SPIN1: variants seen among roughly 807,000 people sequenced by gnomAD.
The protein encoded by SPIN1 is spindlin-1.
A neutral mutation model predicts 26.0 loss-of-function variants in SPIN1; 3 were observed. The ratio of observed to expected loss-of-function variants is 0.12; its 90% CI spans 0.05 to 0.30. The LOEUF (loss-of-function observed/expected upper bound fraction) is 0.30. Among genes scored for constraint, SPIN1 ranks in the 10% least tolerant of loss-of-function variants. The pLI, the probability that SPIN1 is intolerant of heterozygous loss-of-function variation, is 1.00. For missense variants in SPIN1, 126 were observed against 333.4 expected (o/e 0.38, Z 4.84); for synonymous variants, 101 against 116.5 (o/e 0.87, Z 0.86).
At chr9:88,470,589 T>C (rs1057371417) in intron 5 of SPIN1, among the ~76,000 whole-genome samples, 2 of 134,042 alleles carry the variant, frequency 1.5e-5, no homozygotes, top group Non-Finnish European at 3.0e-5. Context: ...CATATGCTTA[T>C]TGGCCCCCCC....
rs535202346 is a variant in SPIN1 at position 88,436,791 on chromosome 9, G to A, written c.52+10200G>A. ...TTTTTTTTTTTTTTTTTGAGACGGAGTCTCGCTCTGTCGCCCAGGCTGGAG... is the reference window on the plus strand; with the variant it reads ...TTTTTTTTTTTTTTTTTGAGACGGAATCTCGCTCTGTCGCCCAGGCTGGAG... On this transcript the variant is annotated intron_variant, in intron 2 of 5. Transcript: ENST00000375859. Among the ~76,000 whole-genome samples, 821 of 115,514 alleles carry A rather than the reference G, an allele frequency of 7.1e-3. 8 individuals are homozygous for A. Among genetic ancestry groups the A allele is most frequent in the Non-Finnish European group, 9.8e-3 (589 of 59,946 alleles). 75.8% of individuals were successfully genotyped at this position (115,514 alleles called of 152,430 possible).
intron 1 of SPIN1, among the ~76,000 whole-genome samples, chr9:88,398,688 G>C (rs563389066): frequency 1.7e-4 from 26 of 152,110 alleles, no homozygotes; most frequent in Middle Eastern, 3.4e-3. Context: ...CAATTCTCCT[G>C]CCTCAGCCTC....
intron 2 of SPIN1, among the ~76,000 whole-genome samples, chr9:88,445,691 C>T (rs1324787002): frequency 6.6e-6 from 1 of 151,476 alleles, no homozygotes; most frequent in African/African-American, 2.4e-5. Flanking sequence ...CCACTATGCC[C>T]AGCTTTTTTT....
intron 2 of SPIN1, among the ~76,000 whole-genome samples, chr9:88,439,264 G>T (rs1332193890): frequency 4.6e-5 from 7 of 152,016 alleles, no homozygotes; most frequent in Non-Finnish European, 7.4e-5. Context: ...GTGTGAATTC[G>T]TGTAAGAGAA....
intron 5 of SPIN1, among the ~76,000 whole-genome samples, chr9:88,470,114 A>T (rs556047215): frequency 8.5e-5 from 13 of 152,210 alleles, no homozygotes; most frequent in Admixed American, 8.5e-4. Context: ...ATATTTTGAG[A>T]TTTCATTCAC....
Position 88,443,941 on chromosome 9 carries a change from C to CCTT in SPIN1, c.53-5000_53-4999insCTT, listed in dbSNP as rs1828191177. The stretch of plus-strand genomic sequence containing the variant: ...TTTTTGTCAGACCTGCCCATGCTGA[C>CCTT]TAGCAATGTCGGTTGCAGTTTAGGT... On this transcript the variant is annotated intron_variant, in intron 2 of 5. Coordinates refer to ENST00000375859, the MANE Select transcript of SPIN1 (RefSeq NM_006717.3). 8.4e-5 allele frequency among the ~76,000 whole-genome samples: 7 copies of CCTT among 83,006 alleles called. No individual in the cohort carries two copies. In the South Asian group the frequency reaches 2.5e-3, roughly 30 times the overall value. 54.5% of individuals were successfully genotyped at this position (83,006 alleles called of 152,430 possible). A position where few individuals can be genotyped will look rare whatever the true frequency, so the allele number is the denominator to read the frequency against.
At chr9:88,460,775 ATGGCATCTTCTT>A (rs1247061580) in intron 3 of SPIN1, among the ~76,000 whole-genome samples, 1 of 152,198 alleles carries the variant, frequency 6.6e-6, no homozygotes, top group Non-Finnish European at 1.5e-5. Flanking sequence ...CACATTGGTG[ATGGCATCTTCTT>A]TGTTCAGTCT....
At chr9:88,399,133 G>C (rs1827132721) in intron 1 of SPIN1, among the ~76,000 whole-genome samples, 1 of 151,562 alleles carries the variant, frequency 6.6e-6, no homozygotes, top group South Asian at 2.1e-4. Flanking sequence ...CTGGGTTCAA[G>C]CGATTCTCCT....
chr9:88,406,210 CATT>C (rs141623915), intron 1 of SPIN1, among the ~76,000 whole-genome samples: 1,819 of 151,800 alleles, frequency 0.012, 43 homozygotes, highest in African/African-American at 0.041. Flanking sequence ...ATATGTGATC[CATT>C]ATTGACTGAA....
At chr9:88,435,448 C>T (rs1319220247) in intron 2 of SPIN1, among the ~76,000 whole-genome samples, 1 of 152,006 alleles carries the variant, frequency 6.6e-6, no homozygotes, top group Non-Finnish European at 1.5e-5. Flanking sequence ...CCTTGTGGGC[C>T]ATGGTGCCAG....
In SPIN1 at chr9:88,428,700, T is replaced by A. The variant is rs556675542; in HGVS notation, c.52+2109T>A. Among the ~76,000 whole-genome samples, 3 of 152,312 alleles carry A rather than the reference T, an allele frequency of 2.0e-5. No individual in the cohort carries two copies. In the East Asian group the frequency reaches 5.8e-4, roughly 29 times the overall value. On this transcript the variant is annotated intron_variant, in intron 2 of 5. Transcript: ENST00000375859. ...CCTAACAAGTACTTTGATCTTACAT[T>A]TTCTTATTCTTTGATTTTTTTATGG...
At chr9:88,449,026 G>A in intron 3 of SPIN1, 37 bp downstream of exon 3, 3 of 1,604,908 alleles carry the variant, frequency 1.9e-6, no homozygotes, top group Non-Finnish European at 2.6e-6. Flanking sequence ...ATAGTGTTTT[G>A]TGACCTTTTG....
intron 2 of SPIN1, among the ~76,000 whole-genome samples, chr9:88,433,156 T>C (rs1827917202): frequency 6.6e-6 from 1 of 151,324 alleles, no homozygotes; most frequent in African/African-American, 2.4e-5. Flanking sequence ...CTTGGCTCAC[T>C]GCAGCCTCAA....
intron 1 of SPIN1, among the ~76,000 whole-genome samples, chr9:88,404,942 A>AC (rs1827265193): frequency 1.3e-5 from 2 of 151,534 alleles, no homozygotes; most frequent in African/African-American, 4.9e-5. Flanking sequence ...AAAAAAAAAA[A>AC]ACTAAGATAC....
chr9:88,472,480 G>A (rs1365304748), intron 5 of SPIN1, among the ~76,000 whole-genome samples: 6 of 151,074 alleles, frequency 4.0e-5, no homozygotes, highest in East Asian at 2.0e-4. Context: ...GTGAGCCGCC[G>A]CGCCTGGCCA....
chr9:88,413,146 A>G (rs917511781), intron 1 of SPIN1, among the ~76,000 whole-genome samples: 2 of 146,534 alleles, frequency 1.4e-5, no homozygotes, highest in African/African-American at 2.6e-5. Context: ...GGCTCACTGC[A>G]GCCTCTGCCT....
At position 88,421,846 on chromosome 9, in the gene SPIN1, C is replaced by T. The variant is rs189252209; in HGVS notation, c.-158-4536C>T. 1.6e-3 allele frequency among the ~76,000 whole-genome samples: 241 copies of T among 151,862 alleles called. 3 individuals are homozygous for T. The highest frequency in any genetic ancestry group is 0.014 in the Admixed American group (210 of 15,228). Reference sequence around the variant, plus strand: ...CCTGTATTTCTGTAAACTAGAAATTCGATCTAAAAGCTTGACTAGATTTTT... The same window carrying T: ...CCTGTATTTCTGTAAACTAGAAATTTGATCTAAAAGCTTGACTAGATTTTT... On this transcript the variant is annotated intron_variant, in intron 1 of 5. Coordinates refer to ENST00000375859, the MANE Select transcript of SPIN1 (RefSeq NM_006717.3).
rs1005101523 is a variant in SPIN1, at chr9:88,409,444, A to G, written c.-158-16938A>G. Among the ~76,000 whole-genome samples the G allele has an allele frequency of 5.9e-5, 9 of 152,006 alleles. No individual in the cohort carries two copies. The East Asian group carries it at 1.4e-3, about 23-fold the overall frequency. On this transcript the variant is annotated intron_variant, in intron 1 of 5. Coordinates refer to ENST00000375859, the MANE Select transcript of SPIN1 (RefSeq NM_006717.3). The stretch of plus-strand genomic sequence containing the variant: ...ATTTCGGGTCTAGGATGATATATCC[A>G]GAGAGGATTTATGCTTATTTCTATC...
At chr9:88,469,780 G>A (rs1271605861) in intron 5 of SPIN1, among the ~76,000 whole-genome samples, 2 of 152,184 alleles carry the variant, frequency 1.3e-5, no homozygotes, top group African/African-American at 4.8e-5. Context: ...TAGTCCACCA[G>A]CCTTGGCCTC....
Sources: gnomAD v4.1 joint callset for allele counts (sites outside exome capture counted in the v4.1 genomes callset) on GRCh38, gnomAD v4.1.1 for gene constraint, MANE v1.5 for transcripts, NCBI Gene and HGNC (gene_info 2026-07-23, HGNC 2026-07-21) for gene names.